The following XPOT variants were observed in gnomAD, a reference collection of about 807,000 sequenced individuals.
XPOT encodes exportin for tRNA, also known as exportin-T.
Under a neutral mutation model 128.2 loss-of-function variants are expected in XPOT, and 34 were observed. That is an observed-to-expected ratio of 0.27 (90% confidence interval 0.20 to 0.35). The LOEUF (loss-of-function observed/expected upper bound fraction) is 0.35, where lower values mean the gene tolerates loss of function less well. Among genes scored for constraint, XPOT ranks in the 10% least tolerant of loss-of-function variants. The pLI, the probability that XPOT is intolerant of heterozygous loss-of-function variation, is 1.00. For synonymous variants in XPOT, 348 were observed against 394.3 expected (o/e 0.88, Z 1.39); for missense variants, 838 against 1,125.3 (o/e 0.74, Z 3.65).
rs1257769139 is a variant in XPOT, at chr12:64,448,826, A to G, written c.*695A>G. 1.3e-5 allele frequency: 2 copies of G among 152,188 alleles called. No individual in the cohort carries two copies. The highest frequency in any genetic ancestry group is 2.9e-5 in the Non-Finnish European group (2 of 68,040). The allele number at this position is 152,188 out of a possible 1,614,324, so 9.4% of individuals were successfully genotyped here. A position where few individuals can be genotyped will look rare whatever the true frequency, so the allele number is the denominator to read the frequency against. The stretch of plus-strand genomic sequence containing the variant: ...CATTTAACCTCACTCCTCAAAGGTA[A>G]CATGCAACTTAGTTCTGTTATATGA... On this transcript the variant is annotated 3_prime_UTR_variant, in exon 25 of 25. Coordinates refer to ENST00000332707, the MANE Select transcript of XPOT (RefSeq NM_007235.6).
At chr12:64,422,895 C>T (rs1277130796) in intron 9 of XPOT, 110 bp from the exon 10 acceptor site, 4 of 1,053,604 alleles carry the variant, frequency 3.8e-6, no homozygotes, top group African/African-American at 3.6e-5. Flanking sequence ...AGAGCAAGAC[C>T]TTGTCTCAAA....
intron 11 of XPOT, among the ~76,000 whole-genome samples, chr12:64,424,357 A>G (rs1048694796): frequency 2.0e-5 from 3 of 152,356 alleles, no homozygotes; most frequent in Middle Eastern, 3.4e-3. Context: ...AAGTTTTTCT[A>G]TATAAATAGT....
At chr12:64,418,314 G>C (rs1184068064) in intron 5 of XPOT, among the ~76,000 whole-genome samples, 199 bp downstream of exon 5, 2 of 152,120 alleles carry the variant, frequency 1.3e-5, no homozygotes, top group Non-Finnish European at 2.9e-5. Flanking sequence ...TGACTGAAAT[G>C]GTCATAGTTT....
rs1212658319 is a variant in XPOT at position 64,404,458 on chromosome 12, G to C, written c.-421G>C. ...CACCGACGCGGGGAGCGCGCTTCGC[G>C]CTGACTCAGCGGCGGCGGCGGCTGC... On this transcript the variant is annotated 5_prime_UTR_variant, in exon 1 of 25. Coordinates refer to ENST00000332707, the MANE Select transcript of XPOT (RefSeq NM_007235.6). The C allele has an allele frequency of 6.4e-6, 1 of 157,330 alleles. No individual in the cohort carries two copies. The highest frequency in any genetic ancestry group is 1.4e-5 in the Non-Finnish European group (1 of 72,496). 9.7% of individuals were successfully genotyped at this position (157,330 alleles called of 1,614,324 possible).
intron 4 of XPOT, 149 bp downstream of exon 4, chr12:64,416,903 C>A: frequency 1.3e-6 from 1 of 755,782 alleles, no homozygotes; most frequent in Non-Finnish European, 2.1e-6. Flanking sequence ...TTTTGATGTA[C>A]CCCAAAGTGT....
intron 15 of XPOT, among the ~76,000 whole-genome samples, chr12:64,426,211 G>A (rs1208395002): frequency 6.6e-6 from 1 of 150,862 alleles, no homozygotes; most frequent in Non-Finnish European, 1.5e-5. Flanking sequence ...GGAGGCTGAG[G>A]CAGGAGAATC....
At chr12:64,429,861 C>T (rs534034752) in intron 16 of XPOT, among the ~76,000 whole-genome samples, 188 bp from the exon 17 acceptor site, 6 of 152,218 alleles carry the variant, frequency 3.9e-5, no homozygotes, top group African/African-American at 4.8e-5. Context: ...GAATTAGAAC[C>T]GTGATCTGTT....
rs1466862689 is a variant in XPOT, at chr12:64,416,731, A to G, written c.177A>G (p.Val59=). ...ATGTGAAGTTTTTCTGCTTTCAAGTACTGGAACATCAAGTTAAATACAAGT... is the reference window on the plus strand; with the variant it reads ...ATGTGAAGTTTTTCTGCTTTCAAGTGCTGGAACATCAAGTTAAATACAAGT... The part of the protein sequence containing the change: ...DDHVKFFCFQ[V]LEHQVKYKYS... The change falls in exon 4 of 25, where the codon GTA becomes GTG. Residue 59 remains valine, a synonymous_variant. Transcript: ENST00000332707. The G allele has an allele frequency of 1.9e-6, 3 of 1,613,302 alleles. No homozygotes were observed. The highest frequency in any genetic ancestry group is 1.7e-5 in the Admixed American group (1 of 59,912).
At chr12:64,428,154 G>T (rs369071780) in intron 16 of XPOT, 34 bp downstream of exon 16, 32 of 1,415,584 alleles carry the variant, frequency 2.3e-5, no homozygotes, top group Middle Eastern at 1.8e-4. Flanking sequence ...ATTTTACCCA[G>T]AATTCATTGA....
rs770607826 is a variant in XPOT, at chr12:64,424,614, A to G, written c.1198A>G (p.Met400Val). 2.5e-6 allele frequency: 4 copies of G among 1,612,016 alleles called. No homozygotes were observed. The highest frequency in any genetic ancestry group is 3.4e-6 in the Non-Finnish European group (4 of 1,179,852). ...TGTATCATAGGGTGAAGATGAAGCCATGTTTGTAGAATATAGAAAACAACT... is the reference window on the plus strand; with the variant it reads ...TGTATCATAGGGTGAAGATGAAGCCGTGTTTGTAGAATATAGAAAACAACT... ...NFENEGEDEA[M>V]FVEYRKQLKL... Residue 400 changes from methionine (M) to valine (V), a missense_variant, in exon 12 of 25, where the codon ATG (methionine) becomes GTG (valine). Met to Val is a conservative substitution (Grantham distance 21). Around this residue, in one of 3 missense-constraint regions of XPOT, gnomAD observed 761 missense variants for 988.3 expected, o/e 0.77. Coordinates refer to ENST00000332707, the MANE Select transcript of XPOT (RefSeq NM_007235.6).
intron 12 of XPOT, 67 bp from the exon 13 acceptor site, chr12:64,424,971 C>A (rs1010941655): frequency 1.6e-5 from 25 of 1,584,702 alleles, no homozygotes; most frequent in Non-Finnish European, 2.0e-5. Context: ...TGGTGTCTTA[C>A]CCTGTGCATA....
At chr12:64,435,598 A>G (rs1383681099) in intron 21 of XPOT, 29 bp from the exon 22 acceptor site, 2 of 1,579,692 alleles carry the variant, frequency 1.3e-6, no homozygotes, top group Admixed American at 1.8e-5. Context: ...AATTGAATAT[A>G]TAGAAATTCT....
intron 16 of XPOT, among the ~76,000 whole-genome samples, chr12:64,428,816 CAAT>C (rs1275388439): frequency 5.9e-5 from 9 of 152,076 alleles, no homozygotes; most frequent in African/African-American, 1.9e-4. Flanking sequence ...ATAAAATAGG[CAAT>C]AATAACATGC....
chr12:64,422,954 T>G (rs759949425), intron 9 of XPOT, 51 bp from the exon 10 acceptor site: 3 of 1,551,014 alleles, frequency 1.9e-6, no homozygotes, highest in Non-Finnish European at 2.6e-6. Flanking sequence ...TGTTCTGATA[T>G]GCAGGTATAA....
At position 64,418,960 on chromosome 12, in the gene XPOT, A is replaced by C. The variant is rs778955764; in HGVS notation, c.355A>C (p.Thr119Pro). 4 of 1,613,974 alleles carry C rather than the reference A, an allele frequency of 2.5e-6. No individual in the cohort carries two copies. In the African/African-American group the frequency reaches 5.3e-5, roughly 22 times the overall value. The part of the protein sequence containing the change: ...FALLFVTEYL[T>P]KWPKFFFDIL... ...CTTGCTTTTTGTTACAGAGTATCTC[A>C]CTAAGTGGCCCAAGTTTTTTTTTGA... The change falls in exon 6 of 25, where the codon ACT (threonine) becomes CCT (proline). Residue 119 changes from threonine to proline, a missense_variant. Physicochemically the swap from Thr to Pro is conservative, Grantham distance 38. Transcript: ENST00000332707.
chr12:64,405,339 T>A (rs1003838612), intron 1 of XPOT: 1 of 152,120 alleles, frequency 6.6e-6, no homozygotes, highest in African/African-American at 2.4e-5. Flanking sequence ...GAAAAACGAG[T>A]ACTTTTTGAA....
intron 23 of XPOT, among the ~76,000 whole-genome samples, chr12:64,443,727 TTACAGGCATGAGCCAC>T (rs1327873742): frequency 6.6e-6 from 1 of 152,204 alleles, no homozygotes; most frequent in African/African-American, 2.4e-5. Flanking sequence ...AGTGCTGGGA[TTACAGGCATGAGCCAC>T]TGTGCCCAGC....
Position 64,449,400 on chromosome 12 carries a change from G to A in XPOT, c.*1269G>A, listed in dbSNP as rs1021577547. On this transcript the variant is annotated 3_prime_UTR_variant, in exon 25 of 25. Coordinates refer to ENST00000332707, the MANE Select transcript of XPOT (RefSeq NM_007235.6). The stretch of plus-strand genomic sequence containing the variant: ...GAGAAAGCAAAAGGAAAAAATAATA[G>A]TTATCAGTAGTGTCACTGGAAAGAA... The A allele has an allele frequency of 1.3e-5, 2 of 152,122 alleles. No individual in the cohort carries two copies. The highest frequency in any genetic ancestry group is 6.5e-5 in the Admixed American group (1 of 15,274). The allele number at this position is 152,122 out of a possible 1,614,324, so 9.4% of individuals were successfully genotyped here.
At chr12:64,435,955 T>C (rs1468164386) in intron 22 of XPOT, among the ~76,000 whole-genome samples, 2 of 152,070 alleles carry the variant, frequency 1.3e-5, no homozygotes, top group African/African-American at 4.8e-5. Context: ...ATTTTATTTT[T>C]ATTTTTATTT....
Sources: gnomAD v4.1 joint callset for allele counts (sites outside exome capture counted in the v4.1 genomes callset) on GRCh38, gnomAD v4.1.1 for gene constraint, gnomAD v4.1.1 regional missense constraint, MANE v1.5 for transcripts, NCBI Gene and HGNC (gene_info 2026-07-23, HGNC 2026-07-21) for gene names.